Variants in WDFY4 observed in about 807,000 individuals in gnomAD.
The protein encoded by WDFY4 is WD repeat- and FYVE domain-containing protein 4.
Under a neutral mutation model 351.9 loss-of-function variants are expected in WDFY4, and 169 were observed. The ratio of observed to expected loss-of-function variants is 0.48; its 90% CI spans 0.42 to 0.55. The LOEUF is 0.55. WDFY4 is among the 20% of genes least tolerant of loss of function. WDFY4 has a pLI of 0.00. For missense variants in WDFY4, 3,803 were observed against 3,935.6 expected (o/e 0.97, Z 0.90); for synonymous variants, 1,622 against 1,574.6 (o/e 1.03, Z -0.71).
chr10:48,768,723 A>AAAGAGAGAGAG (rs1555000836), intron 13 of WDFY4, among the ~76,000 whole-genome samples: 1 of 140,978 alleles, frequency 7.1e-6, no homozygotes, highest in African/African-American at 2.7e-5. Flanking sequence ...GGGAGAGGAG[A>AAAGAGAGAGAG]AGAGAGAGAG....
intron 48 of WDFY4, among the ~76,000 whole-genome samples, chr10:48,942,079 C>T (rs1325610794): frequency 6.6e-6 from 1 of 152,178 alleles, no homozygotes; most frequent in East Asian, 1.9e-4. Flanking sequence ...ATTCTCCTGC[C>T]TCAGCCTCCC....
chr10:48,852,823 A>G (rs1190181266), intron 39 of WDFY4, among the ~76,000 whole-genome samples: 2 of 151,936 alleles, frequency 1.3e-5, no homozygotes, highest in African/African-American at 4.8e-5. Context: ...TAGAACCTGA[A>G]CCCTCAGTTC....
intron 24 of WDFY4, among the ~76,000 whole-genome samples, 197 bp from the exon 25 acceptor site, chr10:48,803,089 G>A (rs1053459880): frequency 1.3e-5 from 2 of 152,186 alleles, no homozygotes; most frequent in African/African-American, 2.4e-5. Flanking sequence ...CAGAGATGGC[G>A]AGAGAAGGCC....
Position 48,916,346 on chromosome 10 carries a change from G to A in WDFY4, c.7586+14483G>A, listed in dbSNP as rs942208667. On this transcript the variant is annotated intron_variant, in intron 47 of 61. Coordinates refer to ENST00000325239, the MANE Select transcript of WDFY4 (RefSeq NM_001394531.1). ...GATTTTTAAGGGTCAGAGACAGTAAGGGAAATCTGTTTGGTGTTCTGTTTT... is the reference window on the plus strand; with the variant it reads ...GATTTTTAAGGGTCAGAGACAGTAAAGGAAATCTGTTTGGTGTTCTGTTTT... Among the ~76,000 whole-genome samples, 6 of 152,196 alleles carry A rather than the reference G, an allele frequency of 3.9e-5. No individual in the cohort carries two copies. The South Asian group carries it at 1.2e-3, about 32-fold the overall frequency.
At chr10:48,876,691 A>G (rs573177001) in intron 42 of WDFY4, among the ~76,000 whole-genome samples, 1 of 152,378 alleles carries the variant, frequency 6.6e-6, no homozygotes, top group African/African-American at 2.4e-5. Flanking sequence ...CAGAGAAAGC[A>G]AATCCTAGCT....
At chr10:48,966,707 G>A in intron 55 of WDFY4, 34 bp downstream of exon 55, 1 of 1,540,002 alleles carries the variant, frequency 6.5e-7, no homozygotes, top group Non-Finnish European at 8.8e-7. Context: ...TTGGTGTCCT[G>A]TCCCAGGGTT....
chr10:48,893,683 A>G (rs1013400818), intron 44 of WDFY4, among the ~76,000 whole-genome samples: 2 of 152,238 alleles, frequency 1.3e-5, no homozygotes, highest in Admixed American at 6.5e-5. Flanking sequence ...GTTTCTGGGT[A>G]TAAATTCCAG....
intron 24 of WDFY4, among the ~76,000 whole-genome samples, chr10:48,799,532 G>A (rs553559042): frequency 2.2e-5 from 3 of 138,292 alleles, no homozygotes; most frequent in African/African-American, 7.1e-5. Context: ...ATCCCAGCAC[G>A]AAGAGGCCGA....
intron 39 of WDFY4, among the ~76,000 whole-genome samples, chr10:48,838,378 T>C (rs929882904): frequency 6.6e-6 from 1 of 152,120 alleles, no homozygotes; most frequent in Middle Eastern, 3.2e-3. Context: ...GCTCCTTCCC[T>C]GACCAGGTGC....
intron 18 of WDFY4, among the ~76,000 whole-genome samples, chr10:48,779,434 G>A (rs2066145573): frequency 6.6e-6 from 1 of 152,212 alleles, no homozygotes; most frequent in South Asian, 2.1e-4. Context: ...CTTCTCCTGT[G>A]TCCTGAGAGT....
chr10:48,957,362 C>A, intron 52 of WDFY4, 80 bp downstream of exon 52: 1 of 1,502,316 alleles, frequency 6.7e-7, no homozygotes, highest in South Asian at 1.2e-5. Flanking sequence ...TGACCAACAT[C>A]ATCTGGACCT....
At chr10:48,687,740 T>C (rs941637504) in intron 1 of WDFY4, among the ~76,000 whole-genome samples, 8 of 145,464 alleles carry the variant, frequency 5.5e-5, no homozygotes, top group Non-Finnish European at 1.1e-4. Context: ...TCAGCCTCCC[T>C]AGTAGCTGAG....
Position 48,727,563 on chromosome 10 carries a change from TG to T in WDFY4, c.878del (p.Gly293AspfsTer3), listed in dbSNP as rs35463713. 4 of 1,551,824 alleles carry T rather than the reference TG, an allele frequency of 2.6e-6. No individual in the cohort carries two copies. Among genetic ancestry groups the T allele is most frequent in the African/African-American group, 1.4e-5 (1 of 73,046 alleles). On this transcript the variant is annotated frameshift_variant, in exon 7 of 62. Coordinates refer to ENST00000325239, the MANE Select transcript of WDFY4 (RefSeq NM_001394531.1). LOFTEE classifies it high-confidence loss of function. Reference sequence around the variant, plus strand: ...GTGAGCGAGGCTGTAAGCCTGATCTTGGGATTCGTGAAGGACTCCTACCCCG... The same window carrying T: ...GTGAGCGAGGCTGTAAGCCTGATCTTGGATTCGTGAAGGACTCCTACCCCG... ...PEVSEAVSLI[L>X]GFVKDSYPVS...
rs1439790372 is a variant in WDFY4 at position 48,777,433 on chromosome 10, C to A, written c.3113C>A (p.Pro1038Gln). 10 of 1,551,570 alleles carry A rather than the reference C, an allele frequency of 6.4e-6. No individual in the cohort carries two copies. The Admixed American group carries it at 2.0e-4, about 30-fold the overall frequency. Residue 1038 changes from proline to glutamine, a missense_variant, in exon 17 of 62, where the codon CCA becomes CAA. Around this residue, in one of 3 missense-constraint regions of WDFY4, gnomAD observed 3,054 missense variants for 3,148.6 expected, o/e 0.97. Transcript: ENST00000325239. ...SVEGYGCLFIPTLSTVMGTST... is the reference protein window; with the variant it reads ...SVEGYGCLFIQTLSTVMGTST... ...TCTATTTCCAGCTGTTTGTTTATTC[C>A]AACCCTGTCCACAGTTATGGGAACC... is the stretch of plus-strand genomic sequence containing the variant.
intron 27 of WDFY4, 24 bp downstream of exon 27, chr10:48,806,119 A>T: frequency 1.9e-6 from 3 of 1,550,348 alleles, no homozygotes; most frequent in African/African-American, 2.7e-5. Flanking sequence ...TGCCAGTTCG[A>T]AGGCAGTAGG....
At chr10:48,847,225 G>A (rs950021236) in intron 39 of WDFY4, among the ~76,000 whole-genome samples, 3 of 152,082 alleles carry the variant, frequency 2.0e-5, no homozygotes. Context: ...CTCTGTACAT[G>A]ACCGTGTCCT....
At chr10:48,766,548 T>C (rs2170129) in intron 13 of WDFY4, among the ~76,000 whole-genome samples, 50,205 of 152,046 alleles carry the variant, frequency 0.33, 8,668 homozygotes, top group Middle Eastern at 0.44. Flanking sequence ...GAGCCATGAT[T>C]GTGCCATTGA....
intron 35 of WDFY4, among the ~76,000 whole-genome samples, chr10:48,826,132 A>G (rs546261583): frequency 1.3e-5 from 2 of 152,204 alleles, no homozygotes; most frequent in East Asian, 1.9e-4. Context: ...TAATTTTCAT[A>G]TAAGGTATAA....
chr10:48,943,344 C>A lies in WDFY4; in HGVS notation c.7644C>A (p.Ser2548Arg). 6.4e-7 allele frequency: 1 copy of A among 1,551,662 alleles called. No individual in the cohort carries two copies. The highest frequency in any genetic ancestry group is 8.7e-7 in the Non-Finnish European group (1 of 1,146,972). ...MLQKWQKRDISNFEYLMYLNT... is the reference protein window; with the variant it reads ...MLQKWQKRDIRNFEYLMYLNT... ...TCTTCTGGTAGAAAAGGGACATCAGCAATTTTGAGTATCTCATGTACCTCA... is the reference window on the plus strand; with the variant it reads ...TCTTCTGGTAGAAAAGGGACATCAGAAATTTTGAGTATCTCATGTACCTCA... The change falls in exon 49 of 62, where the codon AGC becomes AGA. Residue 2548 changes from serine (S) to arginine (R), a missense_variant. Transcript: ENST00000325239.
Sources: allele counts gnomAD v4.1 joint callset (sites outside exome capture counted in the v4.1 genomes callset), GRCh38; gene constraint gnomAD v4.1.1; regional missense constraint gnomAD v4.1.1; transcripts MANE v1.5; gene names NCBI Gene and HGNC (gene_info 2026-07-23, HGNC 2026-07-21).